SPAG16: variants seen among roughly 807,000 people sequenced by gnomAD.
The protein encoded by SPAG16 is sperm associated antigen 16.
A neutral mutation model predicts 80.4 loss-of-function variants in SPAG16; 86 were observed. The ratio of observed to expected loss-of-function variants is 1.07; its 90% CI spans 0.90 to 1.28. The LOEUF (loss-of-function observed/expected upper bound fraction) is 1.28. Ranked by LOEUF, SPAG16 falls within the 50% of genes most tolerant of loss-of-function variation. The probability of loss-of-function intolerance (pLI) is 0.00; values close to 1 mark genes in which losing one functional copy is unlikely to be tolerated. For synonymous variants in SPAG16, 294 were observed against 265.9 expected (o/e 1.11, Z -1.03); for missense variants, 870 against 765.3 (o/e 1.14, Z -1.61).
chr2:213,322,814 G>A (rs923549238), intron 5 of SPAG16, among the ~76,000 whole-genome samples: 3 of 152,132 alleles, frequency 2.0e-5, no homozygotes, highest in Non-Finnish European at 4.4e-5. Flanking sequence ...AACCTGAAGA[G>A]ACTGAGGGAA....
chr2:213,315,900 T>C (rs1041352681), intron 4 of SPAG16, among the ~76,000 whole-genome samples: 1 of 151,980 alleles, frequency 6.6e-6, no homozygotes, highest in Admixed American at 6.6e-5. Context: ...TAGTGTTTTC[T>C]TTTCCCCTCA....
intron 13 of SPAG16, among the ~76,000 whole-genome samples, chr2:214,070,767 G>A (rs990011661): frequency 6.6e-6 from 1 of 151,716 alleles, no homozygotes; most frequent in African/African-American, 2.4e-5. Flanking sequence ...ATCCTACTTG[G>A]TTATGGTTTT....
chr2:214,129,446 T>A (rs1368448514), intron 14 of SPAG16, among the ~76,000 whole-genome samples: 1 of 152,186 alleles, frequency 6.6e-6, no homozygotes, highest in African/African-American at 2.4e-5. Context: ...AGGTTTTTGG[T>A]TGTTTCAGGC....
chr2:214,403,260 ATAG>A (rs1433818858), intron 15 of SPAG16, among the ~76,000 whole-genome samples: 3 of 151,306 alleles, frequency 2.0e-5, no homozygotes, highest in African/African-American at 7.3e-5. Context: ...TACTATGATA[ATAG>A]TATGTTGATA....
chr2:214,163,496 C>A lies in SPAG16; in HGVS notation c.1720+14230C>A, dbSNP rs1478616058. On this transcript the variant is annotated intron_variant, in intron 15 of 15. Transcript: ENST00000331683. The stretch of plus-strand genomic sequence containing the variant: ...TCAGTATTCTCCAGATAAACAGAAC[C>A]AATATGTGTGTGTATATATAAGAAT... Among the ~76,000 whole-genome samples, 5 of 150,104 alleles carry A rather than the reference C, an allele frequency of 3.3e-5. No homozygotes were observed. In the Admixed American group the frequency reaches 3.3e-4, roughly 10 times the overall value.
chr2:214,083,540 A>AT (rs1174472102), intron 13 of SPAG16, among the ~76,000 whole-genome samples: 1 of 151,644 alleles, frequency 6.6e-6, no homozygotes, highest in African/African-American at 2.4e-5. Flanking sequence ...GATTCCAGTG[A>AT]TTTTCTTACC....
At chr2:214,268,718 T>C (rs1691771300) in intron 15 of SPAG16, among the ~76,000 whole-genome samples, 1 of 151,416 alleles carries the variant, frequency 6.6e-6, no homozygotes, top group African/African-American at 2.4e-5. Flanking sequence ...TTAATGAATA[T>C]AACAAGAGGC....
chr2:213,651,365 G>A (rs1196108323), intron 10 of SPAG16, among the ~76,000 whole-genome samples: 1 of 152,148 alleles, frequency 6.6e-6, no homozygotes, highest in Admixed American at 6.5e-5. Flanking sequence ...TGAAGCCCCT[G>A]AGGACAAACT....
At chr2:213,456,981 C>T (rs1575635369) in intron 9 of SPAG16, among the ~76,000 whole-genome samples, 2 of 150,700 alleles carry the variant, frequency 1.3e-5, no homozygotes, top group South Asian at 4.2e-4. Context: ...AGTTATGTGT[C>T]CTTCATTTTT....
At chr2:213,710,265 C>T (rs1292582098) in intron 10 of SPAG16, among the ~76,000 whole-genome samples, 1 of 143,870 alleles carries the variant, frequency 7.0e-6, no homozygotes, top group Non-Finnish European at 1.5e-5. Context: ...GCCTGGGTGA[C>T]AAAGCAAAAA....
At chr2:214,349,732 A>G (rs1046675986) in intron 15 of SPAG16, among the ~76,000 whole-genome samples, 6 of 152,208 alleles carry the variant, frequency 3.9e-5, no homozygotes, top group African/African-American at 1.4e-4. Context: ...ATTCTCCTTC[A>G]TATCAAAATG....
At chr2:213,415,321 G>T (rs1282147520) in intron 9 of SPAG16, among the ~76,000 whole-genome samples, 1 of 152,226 alleles carries the variant, frequency 6.6e-6, no homozygotes, top group Admixed American at 6.5e-5. Flanking sequence ...TTCCTTTGAA[G>T]CCATGCTTAG....
intron 11 of SPAG16, among the ~76,000 whole-genome samples, chr2:213,914,604 T>G (rs1161241695): frequency 6.6e-6 from 1 of 152,208 alleles, no homozygotes; most frequent in Non-Finnish European, 1.5e-5. Context: ...CTGATTTGAC[T>G]TCATGTCAGA....
chr2:213,572,569 C>G (rs1283197405), intron 10 of SPAG16, among the ~76,000 whole-genome samples: 1 of 152,088 alleles, frequency 6.6e-6, no homozygotes, highest in South Asian at 2.1e-4. Context: ...GAGTCAGGGA[C>G]CCACTTGAGG....
chr2:214,387,199 T>C (rs1318401622), intron 15 of SPAG16, among the ~76,000 whole-genome samples: 4 of 152,222 alleles, frequency 2.6e-5, no homozygotes, highest in Non-Finnish European at 5.9e-5. Flanking sequence ...CTCTTTTGTG[T>C]TCTTAAGATG....
intron 9 of SPAG16, among the ~76,000 whole-genome samples, chr2:213,449,040 G>A (rs995783417): frequency 6.6e-6 from 1 of 152,098 alleles, no homozygotes; most frequent in South Asian, 2.1e-4. Flanking sequence ...TCTTTTCCTA[G>A]CAAGGAATAA....
At chr2:213,485,893 G>T (rs902955579) in intron 9 of SPAG16, among the ~76,000 whole-genome samples, 2 of 152,012 alleles carry the variant, frequency 1.3e-5, no homozygotes, top group Admixed American at 6.5e-5. Flanking sequence ...CTTCCCGTGG[G>T]ATGCCTAACT....
At chr2:214,030,126 C>T (rs1397040804) in intron 13 of SPAG16, among the ~76,000 whole-genome samples, 1 of 152,108 alleles carries the variant, frequency 6.6e-6, no homozygotes, top group African/African-American at 2.4e-5. Context: ...TTGACTAACT[C>T]TCTATTTCCC....
At chr2:214,041,978 G>GTA (rs1158447338) in intron 13 of SPAG16, among the ~76,000 whole-genome samples, 14,341 of 115,586 alleles carry the variant, frequency 0.12, 1,060 homozygotes, top group Non-Finnish European at 0.18. Flanking sequence ...GTCTGTGTGT[G>GTA]TATATATATA....
Sources: allele counts gnomAD v4.1 joint callset (sites outside exome capture counted in the v4.1 genomes callset), GRCh38; gene constraint gnomAD v4.1.1; transcripts MANE v1.5; gene names NCBI Gene and HGNC (gene_info 2026-07-23, HGNC 2026-07-21).